The following ARHGAP32 variants were observed in gnomAD, a reference collection of about 807,000 sequenced individuals.
ARHGAP32 encodes the protein rho GTPase-activating protein 32.
In ARHGAP32, 51 loss-of-function variants were observed where a neutral mutation model predicts 186.5. The observed-to-expected ratio is 0.27, with a 90% CI of 0.22 to 0.35. The LOEUF (loss-of-function observed/expected upper bound fraction) is 0.35. Among genes scored for constraint, ARHGAP32 ranks in the 10% least tolerant of loss-of-function variants. ARHGAP32 has a pLI of 1.00. For synonymous variants in ARHGAP32, 950 were observed against 964.3 expected, an observed-to-expected ratio of 0.99 and a Z score of 0.27; for missense variants, 2,186 against 2,623.5, an observed-to-expected ratio of 0.83 and a Z score of 3.64.
chr11:129,229,921 A>C (rs892295211), intron 1 of ARHGAP32, among the ~76,000 whole-genome samples: 3 of 152,088 alleles, frequency 2.0e-5, no homozygotes, highest in Admixed American at 6.6e-5. Context: ...GACTCAAGTG[A>C]TCTGCCCACC....
At chr11:129,259,114 G>A (rs1212166154) in intron 1 of ARHGAP32, among the ~76,000 whole-genome samples, 1 of 152,118 alleles carries the variant, frequency 6.6e-6, no homozygotes, top group Non-Finnish European at 1.5e-5. Context: ...CAAAACACAT[G>A]CACTATGTAA....
At chr11:129,235,393 C>T (rs555959627) in intron 1 of ARHGAP32, among the ~76,000 whole-genome samples, 1 of 152,290 alleles carries the variant, frequency 6.6e-6, no homozygotes, top group East Asian at 1.9e-4. Context: ...GAGCTCCTAC[C>T]CTTAGGTACT....
intron 2 of ARHGAP32, among the ~76,000 whole-genome samples, chr11:129,127,171 C>A (rs1942681794): frequency 6.6e-6 from 1 of 152,114 alleles, no homozygotes; most frequent in African/African-American, 2.4e-5. Flanking sequence ...ACCTGCCCAG[C>A]CTATAATCCG....
chr11:129,064,954 G>C (rs1377993741), intron 7 of ARHGAP32, 21 bp from the exon 8 acceptor site: 1 of 1,541,016 alleles, frequency 6.5e-7, no homozygotes, highest in African/African-American at 1.4e-5. Flanking sequence ...AAAGATCAGT[G>C]TAACTCTGAG....
chr11:129,242,483 C>T (rs1195426002), intron 1 of ARHGAP32, among the ~76,000 whole-genome samples: 2 of 152,262 alleles, frequency 1.3e-5, no homozygotes, highest in African/African-American at 2.4e-5. Flanking sequence ...CTTTGGGAGG[C>T]CAAGGCAGGC....
intron 2 of ARHGAP32, among the ~76,000 whole-genome samples, chr11:129,144,302 T>C (rs1430387316): frequency 1.3e-5 from 2 of 152,134 alleles, no homozygotes; most frequent in African/African-American, 4.8e-5. Context: ...CTCCACAGAA[T>C]ATGGCAATAA....
exon 1 of ARHGAP32, chr11:129,279,175 G>A (rs1287572268): frequency 6.9e-6 from 1 of 145,390 alleles, no homozygotes; most frequent in African/African-American, 2.5e-5. Context: ...GCGCCGCCGC[G>A]GCGTCCCTGC....
chr11:129,172,520 C>A (rs1943789262), intron 1 of ARHGAP32, among the ~76,000 whole-genome samples: 1 of 152,172 alleles, frequency 6.6e-6, no homozygotes, highest in Non-Finnish European at 1.5e-5. Context: ...GGCACTTATT[C>A]TAAAAACGAA....
At chr11:128,985,392 T>C (rs1199886403) in intron 15 of ARHGAP32, among the ~76,000 whole-genome samples, 1 of 152,222 alleles carries the variant, frequency 6.6e-6, no homozygotes, top group Admixed American at 6.5e-5. Flanking sequence ...TTAATTTGCA[T>C]ATTACTAGAA....
intron 1 of ARHGAP32, among the ~76,000 whole-genome samples, chr11:129,242,656 T>G (rs1475681077): frequency 6.7e-6 from 1 of 148,298 alleles, no homozygotes; most frequent in Non-Finnish European, 1.5e-5. Context: ...AGGTGGAGCT[T>G]GCAGTGAGCC....
intron 1 of ARHGAP32, among the ~76,000 whole-genome samples, chr11:129,225,086 G>A (rs1944762227): frequency 1.3e-5 from 2 of 152,122 alleles, no homozygotes; most frequent in Admixed American, 1.3e-4. Context: ...CAACCTGAGT[G>A]AAGGGTGAGA....
intron 1 of ARHGAP32, among the ~76,000 whole-genome samples, chr11:129,266,602 C>T (rs1945403880): frequency 1.3e-5 from 2 of 152,160 alleles, no homozygotes; most frequent in African/African-American, 4.8e-5. Flanking sequence ...ATTTGAGGCA[C>T]CATAAGAGAG....
chr11:128,996,572 T>A (rs968906032), intron 12 of ARHGAP32, among the ~76,000 whole-genome samples: 2 of 152,212 alleles, frequency 1.3e-5, no homozygotes, highest in African/African-American at 4.8e-5. Context: ...CATTTGAAGT[T>A]TATATTCAGT....
intron 1 of ARHGAP32, among the ~76,000 whole-genome samples, chr11:129,177,085 T>G (rs566266434): frequency 3.4e-4 from 51 of 150,580 alleles, no homozygotes; most frequent in Non-Finnish European, 5.6e-4. Context: ...ATAGACGCAA[T>G]AAAAAATGAT....
chr11:129,117,600 A>T (rs1052420959), intron 5 of ARHGAP32, among the ~76,000 whole-genome samples: 1 of 151,968 alleles, frequency 6.6e-6, no homozygotes, highest in Non-Finnish European at 1.5e-5. Context: ...AGACACAGAT[A>T]TTAAATTCAT....
intron 11 of ARHGAP32, among the ~76,000 whole-genome samples, chr11:129,011,017 CCA>C (rs1342108091): frequency 6.6e-6 from 1 of 152,108 alleles, no homozygotes; most frequent in Non-Finnish European, 1.5e-5. Context: ...TAAGTGTCTG[CCA>C]TAACCTAGGA....
At chr11:129,193,692 TATAATATATAA>T (rs1944343933), upstream of ARHGAP32, among the ~76,000 whole-genome samples, 1 of 29,670 alleles carries the variant, frequency 3.4e-5, no homozygotes, top group African/African-American at 1.4e-4. Flanking sequence ...ATATATATTA[TATAATATATAA>T]TATATATTAT....
chr11:129,076,754 C>A (rs1186013009), intron 6 of ARHGAP32, among the ~76,000 whole-genome samples: 1 of 152,124 alleles, frequency 6.6e-6, no homozygotes, highest in Non-Finnish European at 1.5e-5. Context: ...GGCTAGGAGG[C>A]AAGACTAACT....
At chr11:129,168,432 G>A (rs965320190) in intron 1 of ARHGAP32, among the ~76,000 whole-genome samples, 9 of 152,136 alleles carry the variant, frequency 5.9e-5, no homozygotes, top group South Asian at 2.1e-4. Flanking sequence ...AAAGGGAGAC[G>A]TTTCATAAAA....
Sources: allele counts gnomAD v4.1 joint callset (sites outside exome capture counted in the v4.1 genomes callset), GRCh38; gene constraint gnomAD v4.1.1; transcripts MANE v1.5; gene names NCBI Gene and HGNC (gene_info 2026-07-23, HGNC 2026-07-21).